ADA2: variants seen among roughly 807,000 people sequenced by gnomAD.
The protein encoded by ADA2 is adenosine deaminase 2.
ADA2 carries 29 observed loss-of-function variants against 44.2 expected under a neutral mutation model. The observed-to-expected ratio is 0.66, with a 90% CI of 0.49 to 0.89. The LOEUF (loss-of-function observed/expected upper bound fraction) is 0.89, where lower values mean the gene tolerates loss of function less well. ADA2 is among the 40% of genes least tolerant of loss of function. ADA2 has a pLI of 0.00. For missense variants in ADA2, 637 were observed against 644.8 expected (o/e 0.99, Z 0.13); for synonymous variants, 215 against 234.9 (o/e 0.92, Z 0.77).
chr22:17,215,125 A>T (rs993960647), intron 1 of ADA2, among the ~76,000 whole-genome samples: 4 of 152,230 alleles, frequency 2.6e-5, no homozygotes, highest in African/African-American at 9.6e-5. Flanking sequence ...CGCATATGCT[A>T]TTGGGAGAAA....
chr22:17,216,542 G>A (rs1409411434), intron 1 of ADA2, among the ~76,000 whole-genome samples: 2 of 151,862 alleles, frequency 1.3e-5, no homozygotes, highest in Non-Finnish European at 2.9e-5. Flanking sequence ...CGAGGCAGGT[G>A]GATCACAAGG....
At position 17,203,737 on chromosome 22, in the gene ADA2, C is replaced by T. The variant is rs771793355; in HGVS notation, c.579G>A (p.Pro193=). 44 of 1,613,914 alleles carry T rather than the reference C, an allele frequency of 2.7e-5. No individual in the cohort carries two copies. In the Admixed American group the frequency reaches 6.3e-4, roughly 23 times the overall value. Residue 193 remains proline (P), a synonymous_variant, in exon 4 of 10, where the codon CCG becomes CCA. Transcript: ENST00000399837. ...CATTTTGGTTTGTGTAAATCACCTC[C>T]GGGTGCTGGGTCACCAGAGTGAAAT... is the stretch of plus-strand genomic sequence containing the variant. ...LRNFTLVTQH[P]EVIYTNQNVV...
At chr22:17,183,147 G>A (rs186518495) in intron 7 of ADA2, among the ~76,000 whole-genome samples, 1 of 151,678 alleles carries the variant, frequency 6.6e-6, no homozygotes, top group East Asian at 2.0e-4. Context: ...ACAGTGGCAC[G>A]ATCTCAGCTC....
chr22:17,220,028 T>C (rs981061698), upstream of ADA2, among the ~76,000 whole-genome samples: 2 of 152,108 alleles, frequency 1.3e-5, no homozygotes, highest in African/African-American at 4.8e-5. Context: ...TTGTGTGTAC[T>C]GTGTCTTTGA....
chr22:17,199,422 C>CTCCCCTCCTCTATCCTCTTCCCCTCCT, intron 4 of ADA2: 1 of 960,212 alleles, frequency 1.0e-6, no homozygotes, highest in Non-Finnish European at 1.7e-6. Flanking sequence ...CGTCTCCTCC[C>CTCCCCTCCTCTATCCTCTTCCCCTCCT]TCCCCTCCTC....
chr22:17,214,064 C>T, intron 1 of ADA2: 1 of 470,586 alleles, frequency 2.1e-6, no homozygotes, highest in Non-Finnish European at 3.9e-6. Context: ...AAAAAAATAG[C>T]ATCCAAAACC....
chr22:17,215,893 A>G (rs997543274), intron 1 of ADA2, among the ~76,000 whole-genome samples: 4 of 152,154 alleles, frequency 2.6e-5, no homozygotes, highest in African/African-American at 9.7e-5. Flanking sequence ...TGAGCCTAGA[A>G]GTTGAAGACT....
At position 17,209,606 on chromosome 22, in the gene ADA2, G is replaced by A. The variant is rs374752508; in HGVS notation, c.72C>T (p.Phe24=). Residue 24 remains phenylalanine, a synonymous_variant, in exon 2 of 10, where the codon TTC becomes TTT. Transcript: ENST00000399837. ...FLLLAVAMSF[F]GSALSIDETR... is the part of the protein sequence containing the mutation. ...TTTCATCTATGGATAGAGCTGAGCC[G>A]AAGAAAGACATTGCCACAGCCAACA... 42 of 1,614,054 alleles carry A rather than the reference G, an allele frequency of 2.6e-5. No individual in the cohort carries two copies. Among genetic ancestry groups the A allele is most frequent in the Admixed American group, 2.0e-4 (12 of 59,990 alleles).
Position 17,181,534 on chromosome 22 carries a change from T to G in ADA2, c.1485A>C (p.Glu495Asp). 3 of 1,613,784 alleles carry G rather than the reference T, an allele frequency of 1.9e-6. No homozygotes were observed. The highest frequency in any genetic ancestry group is 2.5e-6 in the Non-Finnish European group (3 of 1,179,704). ...LLESEKNTFM[E>D]IWKKRWDKFI... ...ACTTATCCCATCTCTTCTTCCAGAT[T>G]TCCATGAAAGTATTTTTCTCACTCT... The change falls in exon 10 of 10, where the codon GAA (glutamate) becomes GAC (aspartate). Residue 495 changes from glutamate to aspartate, a missense_variant. Glu to Asp is a conservative substitution (Grantham distance 45). Coordinates refer to ENST00000399837, the MANE Select transcript of ADA2 (RefSeq NM_001282225.2).
At chr22:17,215,772 A>T (rs2062464907) in intron 1 of ADA2, among the ~76,000 whole-genome samples, 1 of 152,118 alleles carries the variant, frequency 6.6e-6, no homozygotes, top group Admixed American at 6.6e-5. Flanking sequence ...GAGAATAGAA[A>T]GATAGACACC....
chr22:17,213,273 A>G (rs2062436257), intron 1 of ADA2, among the ~76,000 whole-genome samples: 1 of 152,214 alleles, frequency 6.6e-6, no homozygotes, highest in Non-Finnish European at 1.5e-5. Flanking sequence ...TATGGAGAAC[A>G]GTATGGATAT....
chr22:17,209,736 G>A lies in ADA2; in HGVS notation c.-46-13C>T, dbSNP rs1378416207. ...AGACTCCACGGGACTGCAAAGGAGA[G>A]TGGGGGAGTGAAAACCTACAGATTT... is the stretch of plus-strand genomic sequence containing the variant. On this transcript the variant is annotated splice_polypyrimidine_tract_variant and intron_variant, in intron 1 of 9. Coordinates refer to ENST00000399837, the MANE Select transcript of ADA2 (RefSeq NM_001282225.2). The A allele has an allele frequency of 1.5e-6, 2 of 1,373,700 alleles. No individual in the cohort carries two copies. Among genetic ancestry groups the A allele is most frequent in the Admixed American group, 4.1e-5 (2 of 48,520 alleles). The allele number at this position is 1,373,700 out of a possible 1,614,324, so 85.1% of individuals were successfully genotyped here.
At chr22:17,192,594 G>A (rs2062132459) in intron 4 of ADA2, among the ~76,000 whole-genome samples, 2 of 152,106 alleles carry the variant, frequency 1.3e-5, no homozygotes, top group African/African-American at 2.4e-5. Flanking sequence ...TTGGGAGGCC[G>A]AGGCAGGGGG....
At chr22:17,214,565 T>C (rs1310498579) in intron 1 of ADA2, among the ~76,000 whole-genome samples, 1 of 152,188 alleles carries the variant, frequency 6.6e-6, no homozygotes, top group Non-Finnish European at 1.5e-5. Flanking sequence ...TGGCCTGTAG[T>C]ATGCAGAGCT....
At position 17,209,697 on chromosome 22, in the gene ADA2, A is replaced by G; in HGVS notation, c.-20T>C. On this transcript the variant is annotated 5_prime_UTR_variant, in exon 2 of 10. Transcript: ENST00000399837. ...CAACATCGGGATGCCTGGACTAGGA[A>G]AGGGCTCAGATGGAGACTCCACGGG... The G allele has an allele frequency of 6.2e-7, 1 of 1,603,096 alleles. No homozygotes were observed. Among genetic ancestry groups the G allele is most frequent in the Non-Finnish European group, 8.5e-7 (1 of 1,175,360 alleles).
chr22:17,189,831 G>A lies in ADA2; in HGVS notation c.972+111C>T, dbSNP rs2062092136. 4 of 734,444 alleles carry A rather than the reference G, an allele frequency of 5.4e-6. No individual in the cohort carries two copies. In the South Asian group the frequency reaches 6.6e-5, roughly 12 times the overall value. The allele number at this position is 734,444 out of a possible 1,614,324, so 45.5% of individuals were successfully genotyped here. ...GCCTGAGCCTGCCCTGGGATGTCAG[G>A]GTACCAACAGGCACATTGCGCTCCC... On this transcript the variant is annotated intron_variant, in intron 6 of 9. Coordinates refer to ENST00000399837, the MANE Select transcript of ADA2 (RefSeq NM_001282225.2).
chr22:17,212,226 C>T (rs146205509), intron 1 of ADA2, among the ~76,000 whole-genome samples: 149 of 151,020 alleles, frequency 9.9e-4, no homozygotes, highest in African/African-American at 3.5e-3. Flanking sequence ...GGGGTTTCAC[C>T]ACGTTGGTTA....
chr22:17,221,201 C>T (rs980442115), upstream of ADA2, among the ~76,000 whole-genome samples: 3 of 151,868 alleles, frequency 2.0e-5, no homozygotes, highest in African/African-American at 7.3e-5. Flanking sequence ...GCAGAATGCA[C>T]CGCAAGTAAT....
At chr22:17,210,223 T>C (rs1367412603) in intron 1 of ADA2, among the ~76,000 whole-genome samples, 1 of 138,230 alleles carries the variant, frequency 7.2e-6, no homozygotes, top group African/African-American at 2.8e-5. Context: ...GGAGTTTCAC[T>C]CTTGTTGCCT....
Sources: allele counts gnomAD v4.1 joint callset (sites outside exome capture counted in the v4.1 genomes callset), GRCh38; gene constraint gnomAD v4.1.1; transcripts MANE v1.5; gene names NCBI Gene and HGNC (gene_info 2026-07-23, HGNC 2026-07-21).